ANKS1B: variants seen among roughly 807,000 people sequenced by gnomAD.
ANKS1B encodes ankyrin repeat and sterile alpha motif domain-containing protein 1B.
Under a neutral mutation model 148.3 loss-of-function variants are expected in ANKS1B, and 36 were observed. That is an observed-to-expected ratio of 0.24 (90% CI 0.19 to 0.32). The LOEUF (loss-of-function observed/expected upper bound fraction) is 0.32, where lower values mean the gene tolerates loss of function less well. ANKS1B is among the 10% of genes least tolerant of loss of function. The pLI, the probability that ANKS1B is intolerant of heterozygous loss-of-function variation, is 1.00. For missense variants in ANKS1B, 1,157 were observed against 1,542.6 expected (o/e 0.75, Z 4.19); for synonymous variants, 542 against 560.8 (o/e 0.97, Z 0.47).
At position 99,843,214 on chromosome 12, in the gene ANKS1B, T is replaced by C. The variant is rs1302301467; in HGVS notation, c.135-17825A>G. Among the ~76,000 whole-genome samples the C allele has an allele frequency of 2.6e-5, 4 of 152,200 alleles. No individual in the cohort carries two copies. In the East Asian group the frequency reaches 7.7e-4, roughly 29 times the overall value. The stretch of plus-strand genomic sequence containing the variant: ...CATTTAGGTTTTCTAATTTGTTGAC[T>C]AGAAATCACACATATTTTTAAATCT... On this transcript the variant is annotated intron_variant, in intron 1 of 26. Transcript: ENST00000683438.
intron 1 of ANKS1B, among the ~76,000 whole-genome samples, chr12:99,956,180 A>C (rs895694186): frequency 6.6e-6 from 1 of 151,704 alleles, no homozygotes; most frequent in African/African-American, 2.4e-5. Flanking sequence ...CAGGAGGCTA[A>C]GGCAGGAGAA....
intron 8 of ANKS1B, among the ~76,000 whole-genome samples, chr12:99,726,703 C>T (rs1429508000): frequency 1.3e-5 from 2 of 152,140 alleles, no homozygotes; most frequent in Non-Finnish European, 2.9e-5. Flanking sequence ...AAATTTCAGG[C>T]CAATATCCCT....
rs191110381 is a variant in ANKS1B, at chr12:99,711,736, C to T, written c.1129-56526G>A. Among the ~76,000 whole-genome samples, 97 of 152,266 alleles carry T rather than the reference C, an allele frequency of 6.4e-4. 1 individual carries two copies. Among genetic ancestry groups the T allele is most frequent in the Non-Finnish European group, 1.5e-4 (10 of 68,006 alleles). On this transcript the variant is annotated intron_variant, in intron 8 of 26. Transcript: ENST00000683438. ...TTGCAGAGAAAAGGGAACATTTATA[C>T]ACAGTTGGTGGGAATGTAAAATTAG... is the stretch of plus-strand genomic sequence containing the variant.
intron 20 of ANKS1B, among the ~76,000 whole-genome samples, chr12:98,803,255 T>C (rs2099020918): frequency 6.6e-6 from 1 of 152,144 alleles, no homozygotes; most frequent in Non-Finnish European, 1.5e-5. Context: ...TGAAGCTGAG[T>C]GTAATAACCT....
intron 1 of ANKS1B, among the ~76,000 whole-genome samples, chr12:99,830,372 C>T (rs569727536): frequency 1.4e-4 from 22 of 152,152 alleles, no homozygotes; most frequent in Admixed American, 2.6e-4. Context: ...TAAATTAATA[C>T]ATCTGTTCAA....
At chr12:99,017,187 G>C (rs371573963) in intron 17 of ANKS1B, among the ~76,000 whole-genome samples, 115 of 152,300 alleles carry the variant, frequency 7.6e-4, no homozygotes, top group African/African-American at 2.7e-3. Flanking sequence ...TCTTGCTTCT[G>C]ACTTCCAAGC....
chr12:99,777,244 T>A (rs1296218091), intron 6 of ANKS1B, among the ~76,000 whole-genome samples: 1 of 152,194 alleles, frequency 6.6e-6, no homozygotes, highest in Non-Finnish European at 1.5e-5. Context: ...AACAAGTATG[T>A]CCTCATACCA....
intron 15 of ANKS1B, among the ~76,000 whole-genome samples, chr12:99,110,961 C>G (rs1461591756): frequency 6.6e-6 from 1 of 152,172 alleles, no homozygotes; most frequent in Non-Finnish European, 1.5e-5. Flanking sequence ...AGATGGCCTT[C>G]CTCTGTGCTC....
intron 12 of ANKS1B, among the ~76,000 whole-genome samples, chr12:99,285,751 G>A (rs1016297974): frequency 6.6e-6 from 1 of 152,060 alleles, no homozygotes; most frequent in Admixed American, 6.5e-5. Flanking sequence ...CTGTGTGCTT[G>A]GGGGAGGAAG....
intron 8 of ANKS1B, among the ~76,000 whole-genome samples, chr12:99,701,557 C>T (rs887863071): frequency 6.6e-6 from 1 of 152,050 alleles, no homozygotes; most frequent in Non-Finnish European, 1.5e-5. Flanking sequence ...TGTATTCCCT[C>T]AGTTATTCAC....
intron 17 of ANKS1B, among the ~76,000 whole-genome samples, chr12:98,868,263 C>T (rs2099635651): frequency 2.0e-5 from 3 of 150,674 alleles, no homozygotes; most frequent in Admixed American, 6.6e-5. Flanking sequence ...CAAGTGTGGG[C>T]TGCGCATGGA....
At chr12:99,854,032 A>C (rs1465441416) in intron 1 of ANKS1B, among the ~76,000 whole-genome samples, 1 of 151,984 alleles carries the variant, frequency 6.6e-6, no homozygotes, top group Non-Finnish European at 1.5e-5. Context: ...TTGTTTTGAG[A>C]CGGAGTCTCG....
At chr12:99,952,255 C>T (rs533995569) in intron 1 of ANKS1B, among the ~76,000 whole-genome samples, 2 of 152,086 alleles carry the variant, frequency 1.3e-5, no homozygotes, top group Non-Finnish European at 2.9e-5. Context: ...CTTGGAAATG[C>T]TGAATTGATC....
chr12:99,424,154 A>G (rs1386203682), intron 11 of ANKS1B, among the ~76,000 whole-genome samples: 1 of 152,158 alleles, frequency 6.6e-6, no homozygotes, highest in Admixed American at 6.5e-5. Context: ...CATTTATTTC[A>G]GTGTAATATA....
chr12:99,120,266 G>A (rs979500232), intron 15 of ANKS1B, among the ~76,000 whole-genome samples: 3 of 152,160 alleles, frequency 2.0e-5, no homozygotes, highest in African/African-American at 7.2e-5. Context: ...CAAACTCCAC[G>A]CAGACAGTGA....
intron 10 of ANKS1B, among the ~76,000 whole-genome samples, chr12:99,502,172 G>A (rs188278290): frequency 1.3e-5 from 2 of 152,046 alleles, no homozygotes; most frequent in African/African-American, 4.8e-5. Flanking sequence ...TACCCTCTGT[G>A]CCCCAATTAA....
At chr12:99,890,570 GGTGTGTGTGTGTGT>G (rs10603901) in intron 1 of ANKS1B, among the ~76,000 whole-genome samples, 9,821 of 138,044 alleles carry the variant, frequency 0.071, 400 homozygotes, top group Admixed American at 0.12. Flanking sequence ...TCGCATTCAT[GGTGTGTGTGTGTGT>G]GTGTGTGTGT....
At chr12:99,237,822 G>A (rs1566703191) in intron 14 of ANKS1B, among the ~76,000 whole-genome samples, 1 of 152,148 alleles carries the variant, frequency 6.6e-6, no homozygotes, top group African/African-American at 2.4e-5. Flanking sequence ...TCACTATCTT[G>A]CCAAGGCTGG....
At chr12:99,715,479 A>G (rs1195604230) in intron 8 of ANKS1B, among the ~76,000 whole-genome samples, 1 of 151,722 alleles carries the variant, frequency 6.6e-6, no homozygotes, top group African/African-American at 2.4e-5. Flanking sequence ...CCCCACCCCT[A>G]TCTCCCTTCG....
Sources: allele counts gnomAD v4.1 joint callset (sites outside exome capture counted in the v4.1 genomes callset), GRCh38; gene constraint gnomAD v4.1.1; transcripts MANE v1.5; gene names NCBI Gene and HGNC (gene_info 2026-07-23, HGNC 2026-07-21).